Variants in GNG7 observed in about 807,000 individuals in gnomAD.
The protein encoded by GNG7 is G protein subunit gamma 7.
A neutral mutation model predicts 4.0 loss-of-function variants in GNG7; 1 was observed. The ratio of observed to expected loss-of-function variants is 0.25; its 90% confidence interval spans 0.09 to 1.18. The LOEUF (loss-of-function observed/expected upper bound fraction) is 1.18. GNG7 is among the 50% of genes most tolerant of loss of function. The pLI, the probability that GNG7 is intolerant of heterozygous loss-of-function variation, is 0.50. For synonymous variants in GNG7, 34 were observed against 36.9 expected, an observed-to-expected ratio of 0.92 and a Z score of 0.29; for missense variants, 86 against 91.9, an observed-to-expected ratio of 0.94 and a Z score of 0.26.
chr19:2,582,841 G>A (rs982981278), intron 2 of GNG7, among the ~76,000 whole-genome samples: 7 of 151,838 alleles, frequency 4.6e-5, no homozygotes, highest in Non-Finnish European at 1.0e-4. Flanking sequence ...GCTATTTTTT[G>A]TATTTTTAGT....
intron 2 of GNG7, among the ~76,000 whole-genome samples, chr19:2,637,964 G>A (rs981473553): frequency 7.9e-5 from 12 of 152,346 alleles, no homozygotes; most frequent in African/African-American, 2.6e-4. Context: ...TTGGGAGGGA[G>A]AGAGGAGATG....
chr19:2,656,388 G>C lies in GNG7; in HGVS notation c.-134-10108C>G, dbSNP rs532217823. ...GGAGGCCAAGGCAGGCGGATCACAA[G>C]GTTAGGAGTTCAAGACCAGCCTGGC... On this transcript the variant is annotated intron_variant, in intron 1 of 4. Transcript: ENST00000382159. 1.9e-3 allele frequency among the ~76,000 whole-genome samples: 284 copies of C among 152,358 alleles called. 1 individual carries two copies. Among genetic ancestry groups the C allele is most frequent in the African/African-American group, 6.5e-3 (270 of 41,586 alleles).
At chr19:2,612,751 C>T (rs965111699) in intron 2 of GNG7, among the ~76,000 whole-genome samples, 2 of 139,102 alleles carry the variant, frequency 1.4e-5, no homozygotes, top group African/African-American at 2.8e-5. Flanking sequence ...GCCCAGGCAG[C>T]GGTGCGATCT....
chr19:2,531,743 C>T (rs984605613), intron 3 of GNG7, among the ~76,000 whole-genome samples: 1 of 149,476 alleles, frequency 6.7e-6, no homozygotes, highest in African/African-American at 2.5e-5. Context: ...TGCACTCCAG[C>T]CTGGGTAACA....
chr19:2,539,059 CGG>C (rs1978855306), intron 3 of GNG7, among the ~76,000 whole-genome samples: 4 of 152,138 alleles, frequency 2.6e-5, no homozygotes, highest in African/African-American at 7.2e-5. Flanking sequence ...GCGTGAGCCA[CGG>C]CACCCAGCCC....
At chr19:2,566,221 C>T (rs538440829) in intron 2 of GNG7, among the ~76,000 whole-genome samples, 189 of 152,118 alleles carry the variant, frequency 1.2e-3, no homozygotes, top group African/African-American at 4.4e-3. Flanking sequence ...CAGATGCACA[C>T]GGGAGGGAGA....
intron 1 of GNG7, among the ~76,000 whole-genome samples, chr19:2,648,163 C>A (rs757698193): frequency 6.6e-6 from 1 of 151,842 alleles, no homozygotes; most frequent in East Asian, 1.9e-4. Context: ...CCCACATGGG[C>A]TTCTTGGTGG....
chr19:2,602,375 G>T (rs1229870506), intron 2 of GNG7, among the ~76,000 whole-genome samples: 3 of 152,192 alleles, frequency 2.0e-5, no homozygotes, highest in African/African-American at 7.2e-5. Flanking sequence ...GGACTGGGCT[G>T]CGGGCTGCGT....
chr19:2,694,814 T>G (rs1913206621), intron 1 of GNG7, among the ~76,000 whole-genome samples: 1 of 150,618 alleles, frequency 6.6e-6, no homozygotes, highest in Non-Finnish European at 1.5e-5. Flanking sequence ...GGGACATCTG[T>G]GGTTGTCACA....
chr19:2,555,234 T>C (rs1979507506), intron 2 of GNG7, 46 bp from the exon 3 acceptor site: 1 of 152,180 alleles, frequency 6.6e-6, no homozygotes, highest in African/African-American at 2.4e-5. Context: ...GTTACATATT[T>C]TTTACTTACA....
intron 3 of GNG7, among the ~76,000 whole-genome samples, chr19:2,554,560 T>TATATA (rs199822641): frequency 1.3e-4 from 8 of 63,964 alleles, no homozygotes; most frequent in African/African-American, 2.5e-4. Context: ...TATATATATA[T>TATATA]TTTTTTTTTT....
chr19:2,530,078 C>T (rs897213295), intron 3 of GNG7, among the ~76,000 whole-genome samples: 3 of 152,238 alleles, frequency 2.0e-5, no homozygotes, highest in Non-Finnish European at 4.4e-5. Flanking sequence ...GGTGGATTAG[C>T]AGCTAAGGAC....
At chr19:2,554,000 T>C (rs1295714526) in intron 3 of GNG7, among the ~76,000 whole-genome samples, 1 of 134,102 alleles carries the variant, frequency 7.5e-6, no homozygotes, top group South Asian at 2.3e-4. Flanking sequence ...ATATTACACA[T>C]ATGTATATAT....
chr19:2,551,037 C>G (rs925324339), intron 3 of GNG7, among the ~76,000 whole-genome samples: 2 of 152,176 alleles, frequency 1.3e-5, no homozygotes, highest in African/African-American at 4.8e-5. Context: ...GACCTAATCC[C>G]CACGGCACGT....
intron 1 of GNG7, among the ~76,000 whole-genome samples, chr19:2,656,959 A>C (rs538842343): frequency 6.6e-5 from 10 of 152,204 alleles, no homozygotes; most frequent in African/African-American, 2.2e-4. Flanking sequence ...ATGTGCTGGA[A>C]TCCTCTGGGG....
rs1201908411 is a variant in GNG7, at chr19:2,573,019, CTT to C, written c.-77-17833_-77-17832del. On this transcript the variant is annotated intron_variant, in intron 2 of 4. Coordinates refer to ENST00000382159, the MANE Select transcript of GNG7 (RefSeq NM_052847.3). Reference sequence around the variant, plus strand: ...GATCTGCCTGTTCTGGAAATTTCTCCTTTTTTTTTTTTTTTTTTTGTTTTGAG... The same window carrying C: ...GATCTGCCTGTTCTGGAAATTTCTCCTTTTTTTTTTTTTTTTTGTTTTGAG... 2.5e-3 allele frequency among the ~76,000 whole-genome samples: 330 copies of C among 132,774 alleles called. 4 individuals carry two copies. The highest frequency in any genetic ancestry group is 8.4e-3 in the African/African-American group (293 of 34,746). The allele number at this position is 132,774 out of a possible 152,430, so 87.1% of individuals were successfully genotyped here. A position where few individuals can be genotyped will look rare whatever the true frequency, so the allele number is the denominator to read the frequency against.
intron 1 of GNG7, among the ~76,000 whole-genome samples, chr19:2,661,320 GA>G (rs1294197210): frequency 7.3e-6 from 1 of 137,672 alleles, no homozygotes; most frequent in African/African-American, 2.8e-5. Context: ...AAGAAAGAAA[GA>G]AAGAAAGAAA....
At position 2,512,907 on chromosome 19, in the gene GNG7, C is replaced by T; in HGVS notation, c.*2115G>A. On this transcript the variant is annotated 3_prime_UTR_variant, in exon 5 of 5. Coordinates refer to ENST00000382159, the MANE Select transcript of GNG7 (RefSeq NM_052847.3). This position sits in a 1 kb window ranked among gnomAD's most constrained non-coding sequence, Gnocchi z 4.7. ...TTCCTGCTATGCGTGGTGGGGACGC[C>T]CACACCCCAAACCCTGCCGGCTCCC... 1.8e-5 allele frequency: 18 copies of T among 985,436 alleles called. No individual in the cohort carries two copies. The highest frequency in any genetic ancestry group is 2.0e-5 in the Non-Finnish European group (17 of 829,932). 61.0% of individuals were successfully genotyped at this position (985,436 alleles called of 1,614,324 possible).
In GNG7 at chr19:2,634,462, C is replaced by T. The variant is rs72978711; in HGVS notation, c.-78+11762G>A. Among the ~76,000 whole-genome samples, 366 of 152,302 alleles carry T rather than the reference C, an allele frequency of 2.4e-3. No individual in the cohort carries two copies. The highest frequency in any genetic ancestry group is 3.6e-3 in the Non-Finnish European group (246 of 68,026). On this transcript the variant is annotated intron_variant, in intron 2 of 4. Transcript: ENST00000382159. This position sits in a 1 kb window ranked among gnomAD's most constrained non-coding sequence, Gnocchi z 5.3. Reference sequence around the variant, plus strand: ...CAAGGTCATGTCCAAGCTCTCCTACCGCCGGGAAGCACTGCCTTGTCCTGG... The same window carrying T: ...CAAGGTCATGTCCAAGCTCTCCTACTGCCGGGAAGCACTGCCTTGTCCTGG...
Sources: allele counts gnomAD v4.1 joint callset (sites outside exome capture counted in the v4.1 genomes callset), GRCh38; gene constraint gnomAD v4.1.1; non-coding constraint Gnocchi (gnomAD v3.1); transcripts MANE v1.5; gene names NCBI Gene and HGNC (gene_info 2026-07-23, HGNC 2026-07-21).